Variants in DGKG observed in about 807,000 individuals in gnomAD.
DGKG encodes diacylglycerol kinase gamma.
Under a neutral mutation model 105.3 loss-of-function variants are expected in DGKG, and 78 were observed. That is an observed-to-expected ratio of 0.74 (90% CI 0.62 to 0.89). The LOEUF is 0.89. Among genes scored for constraint, DGKG ranks in the 40% least tolerant of loss-of-function variants. The pLI is 0.00. For missense variants in DGKG, 958 were observed against 1,020.1 expected, an observed-to-expected ratio of 0.94 and a Z score of 0.83; for synonymous variants, 346 against 367.1, an observed-to-expected ratio of 0.94 and a Z score of 0.66.
At chr3:186,294,577 G>C (rs1385096034) in intron 5 of DGKG, among the ~76,000 whole-genome samples, 1 of 151,698 alleles carries the variant, frequency 6.6e-6, no homozygotes, top group African/African-American at 2.4e-5. Flanking sequence ...AAATAATTTG[G>C]GGCAGGATGC....
chr3:186,174,564 A>G (rs1382756272), intron 22 of DGKG, among the ~76,000 whole-genome samples: 1 of 152,114 alleles, frequency 6.6e-6, no homozygotes, highest in Non-Finnish European at 1.5e-5. Context: ...CAAGTGAAGC[A>G]TCTTTATTCC....
At chr3:186,308,218 G>A (rs142282791) in intron 2 of DGKG, among the ~76,000 whole-genome samples, 62 of 152,260 alleles carry the variant, frequency 4.1e-4, no homozygotes, top group African/African-American at 1.1e-3. Context: ...AGGCAAGACT[G>A]GCTGCTTCTT....
At chr3:186,314,875 C>A (rs1301540318) in intron 2 of DGKG, among the ~76,000 whole-genome samples, 2 of 151,524 alleles carry the variant, frequency 1.3e-5, no homozygotes, top group African/African-American at 4.9e-5. Context: ...GTTGTTTTTC[C>A]TTTTTTCTCT....
intron 21 of DGKG, among the ~76,000 whole-genome samples, chr3:186,211,518 G>A (rs372386048): frequency 3.9e-5 from 6 of 152,244 alleles, no homozygotes; most frequent in South Asian, 2.1e-4. Flanking sequence ...AGAGGGAATC[G>A]CAAGGCCACG....
rs765035688 is a variant in DGKG, at chr3:186,272,358, A to T, written c.911-15T>A. On this transcript the variant is annotated splice_polypyrimidine_tract_variant and intron_variant, in intron 10 of 24. Transcript: ENST00000265022. ...GTATTTACAGTCTGAAAAGAAAAAA[A>T]GTCAAGGCAGGTGCTTGTGAATAGC... 1.2e-6 allele frequency: 2 copies of T among 1,600,924 alleles called. No homozygotes were observed. The highest frequency in any genetic ancestry group is 4.5e-5 in the East Asian group (2 of 44,778).
At chr3:186,220,157 T>C (rs371381123) in intron 20 of DGKG, among the ~76,000 whole-genome samples, 1 of 152,198 alleles carries the variant, frequency 6.6e-6, no homozygotes, top group Non-Finnish European at 1.5e-5. Flanking sequence ...GAATGGCAAT[T>C]GAATCCTGAA....
intron 20 of DGKG, among the ~76,000 whole-genome samples, chr3:186,233,083 G>A (rs1485250400): frequency 2.0e-5 from 3 of 152,328 alleles, no homozygotes; most frequent in Middle Eastern, 3.4e-3. Flanking sequence ...GAGCCTGTGA[G>A]TATGTTAGGT....
chr3:186,351,969 T>C (rs968203341), intron 1 of DGKG, among the ~76,000 whole-genome samples: 5 of 152,304 alleles, frequency 3.3e-5, no homozygotes, highest in Admixed American at 6.5e-5. Context: ...ATTGGCATAG[T>C]TGGTAGCACT....
chr3:186,157,533 A>G (rs1233328474), intron 24 of DGKG, among the ~76,000 whole-genome samples: 1 of 152,212 alleles, frequency 6.6e-6, no homozygotes, highest in Non-Finnish European at 1.5e-5. Flanking sequence ...TCACCTAAAT[A>G]CGTATTTCCT....
chr3:186,192,782 T>C (rs1303841677), intron 21 of DGKG, among the ~76,000 whole-genome samples: 1 of 152,204 alleles, frequency 6.6e-6, no homozygotes, highest in Non-Finnish European at 1.5e-5. Flanking sequence ...TACTGCTCTA[T>C]CTTATAGAGT....
chr3:186,193,336 A>C (rs1316318773), intron 21 of DGKG, among the ~76,000 whole-genome samples: 1 of 152,256 alleles, frequency 6.6e-6, no homozygotes, highest in Non-Finnish European at 1.5e-5. Context: ...GTCATCTGTA[A>C]AATGGAGGAT....
chr3:186,260,539 G>GA lies in DGKG; in HGVS notation c.1350-27dup, dbSNP rs763917255. ...CTATGGAAAAAAAAAGAAAAGGAGG[G>GA]AGAGAGAGAGACAGAGAAGGAATAT... On this transcript the variant is annotated intron_variant, in intron 15 of 24. Transcript: ENST00000265022. 1.1e-5 allele frequency: 17 copies of GA among 1,493,780 alleles called. No individual in the cohort carries two copies. The East Asian group carries it at 3.2e-4, about 28-fold the overall frequency. The allele number at this position is 1,493,780 out of a possible 1,614,324, so 92.5% of individuals were successfully genotyped here. A position where few individuals can be genotyped will look rare whatever the true frequency, so the allele number is the denominator to read the frequency against.
At chr3:186,213,183 A>G (rs138828608) in intron 20 of DGKG, among the ~76,000 whole-genome samples, 80 of 152,362 alleles carry the variant, frequency 5.3e-4, no homozygotes, top group African/African-American at 1.7e-3. Context: ...AGTAAGAGTA[A>G]GCAAGCTCTG....
chr3:186,306,781 G>C (rs1484368056), intron 3 of DGKG, 120 bp downstream of exon 3: 1 of 679,586 alleles, frequency 1.5e-6, no homozygotes, highest in Non-Finnish European at 2.6e-6. Flanking sequence ...TGAGACTTAA[G>C]AGGAAACATG....
chr3:186,246,357 T>C (rs1036865924), intron 19 of DGKG, among the ~76,000 whole-genome samples: 1 of 152,250 alleles, frequency 6.6e-6, no homozygotes, highest in African/African-American at 2.4e-5. Flanking sequence ...TATTGAGACA[T>C]TAATTTTTTA....
chr3:186,297,960 G>A, intron 4 of DGKG, 104 bp downstream of exon 4: 1 of 1,352,756 alleles, frequency 7.4e-7, no homozygotes, highest in South Asian at 1.4e-5. Context: ...GCACCGTTGG[G>A]GCAGTTACTA....
intron 1 of DGKG, among the ~76,000 whole-genome samples, chr3:186,326,493 A>G (rs1023911253): frequency 6.6e-6 from 1 of 151,804 alleles, no homozygotes; most frequent in Non-Finnish European, 1.5e-5. Context: ...CCTTGAGTTC[A>G]TACTTACACC....
intron 10 of DGKG, among the ~76,000 whole-genome samples, chr3:186,273,367 CTTTTT>C (rs375667915): frequency 3.5e-5 from 3 of 85,598 alleles, no homozygotes; most frequent in East Asian, 4.7e-4. Flanking sequence ...TGTTGTACCC[CTTTTT>C]TTTTTTTTTT....
At chr3:186,327,044 G>A (rs1725376312) in intron 1 of DGKG, among the ~76,000 whole-genome samples, 1 of 152,036 alleles carries the variant, frequency 6.6e-6, no homozygotes, top group Non-Finnish European at 1.5e-5. Flanking sequence ...TGCATCTGTG[G>A]TCCCAGATAC....
Sources: gnomAD v4.1 joint callset for allele counts (sites outside exome capture counted in the v4.1 genomes callset) on GRCh38, gnomAD v4.1.1 for gene constraint, MANE v1.5 for transcripts, NCBI Gene and HGNC (gene_info 2026-07-23, HGNC 2026-07-21) for gene names.